Variants in ATP8B4 observed in about 807,000 individuals in gnomAD.
ATP8B4 encodes ATPase phospholipid transporting 8B4 (putative), also known as probable phospholipid-transporting ATPase IM.
ATP8B4 carries 133 observed loss-of-function variants against 145.6 expected under a neutral mutation model. The ratio of observed to expected loss-of-function variants is 0.91; its 90% CI spans 0.79 to 1.05. The LOEUF (loss-of-function observed/expected upper bound fraction) is 1.05. Among genes scored for constraint, ATP8B4 ranks in the 50% least tolerant of loss-of-function variants. The probability of loss-of-function intolerance (pLI) is 0.00; values close to 1 mark genes in which losing one functional copy is unlikely to be tolerated. For missense variants in ATP8B4, 1,458 were observed against 1,425.2 expected (o/e 1.02, Z -0.37); for synonymous variants, 507 against 492.9 (o/e 1.03, Z -0.38).
chr15:50,068,008 AC>A (rs2053495008), intron 3 of ATP8B4, among the ~76,000 whole-genome samples: 1 of 152,204 alleles, frequency 6.6e-6, no homozygotes, highest in South Asian at 2.1e-4. Context: ...ACACACAGGA[AC>A]ATGAAATTTT....
chr15:49,898,794 G>A (rs1003077724), intron 21 of ATP8B4, among the ~76,000 whole-genome samples: 3 of 152,190 alleles, frequency 2.0e-5, no homozygotes, highest in Non-Finnish European at 4.4e-5. Flanking sequence ...AACCCAGAGA[G>A]GCCTGTGCAA....
intron 1 of ATP8B4, among the ~76,000 whole-genome samples, chr15:50,150,686 TC>T (rs35340673): frequency 2.0e-5 from 3 of 152,304 alleles, no homozygotes; most frequent in South Asian, 4.1e-4. Flanking sequence ...TTTGCTATCA[TC>T]CCCAAGTTCT....
At chr15:50,134,432 G>T (rs2044094299) in intron 1 of ATP8B4, among the ~76,000 whole-genome samples, 1 of 152,132 alleles carries the variant, frequency 6.6e-6, no homozygotes, top group African/African-American at 2.4e-5. Flanking sequence ...GAAAATTGGT[G>T]TGATTCCTGT....
chr15:49,982,612 A>G (rs891801736), intron 10 of ATP8B4: 4 of 152,158 alleles, frequency 2.6e-5, no homozygotes, highest in African/African-American at 9.7e-5. Context: ...GTTGCTAAAA[A>G]CTGAAATATG....
chr15:50,152,841 T>C (rs1429584852), intron 1 of ATP8B4, among the ~76,000 whole-genome samples: 1 of 152,206 alleles, frequency 6.6e-6, no homozygotes, highest in East Asian at 1.9e-4. Flanking sequence ...GAAGACAACA[T>C]TGAAATTTAT....
intron 1 of ATP8B4, among the ~76,000 whole-genome samples, chr15:50,112,961 C>G (rs924005252): frequency 5.9e-5 from 9 of 152,162 alleles, no homozygotes; most frequent in Admixed American, 5.9e-4. Flanking sequence ...CCTGTGAGGG[C>G]TGCACCAGTG....
chr15:50,110,631 A>T (rs1278102687), intron 1 of ATP8B4, among the ~76,000 whole-genome samples: 1 of 152,248 alleles, frequency 6.6e-6, no homozygotes, highest in Non-Finnish European at 1.5e-5. Context: ...AATATTTACA[A>T]GAATAAGTTC....
At chr15:50,135,982 C>T (rs2044116114) in intron 1 of ATP8B4, among the ~76,000 whole-genome samples, 1 of 152,152 alleles carries the variant, frequency 6.6e-6, no homozygotes, top group African/African-American at 2.4e-5. Context: ...TTATTTAATC[C>T]AACCTTGAGC....
chr15:49,884,473 C>A (rs2035905932), intron 23 of ATP8B4, among the ~76,000 whole-genome samples: 1 of 151,740 alleles, frequency 6.6e-6, no homozygotes, highest in Non-Finnish European at 1.5e-5. Flanking sequence ...TGATGGTGTG[C>A]ATCTTGTGAT....
At chr15:50,118,919 C>T (rs544427976) in intron 1 of ATP8B4, among the ~76,000 whole-genome samples, 1 of 152,264 alleles carries the variant, frequency 6.6e-6, no homozygotes, top group East Asian at 1.9e-4. Context: ...GAAAATGTCA[C>T]ATCTCCCATT....
chr15:49,930,143 G>T (rs1323804032), intron 16 of ATP8B4, among the ~76,000 whole-genome samples: 1 of 152,034 alleles, frequency 6.6e-6, no homozygotes, highest in Admixed American at 6.6e-5. Flanking sequence ...CAAGCAAGGA[G>T]GGATAAGGAA....
At chr15:50,163,834 C>A (rs1440351219) in intron 1 of ATP8B4, among the ~76,000 whole-genome samples, 1 of 152,112 alleles carries the variant, frequency 6.6e-6, no homozygotes, top group Non-Finnish European at 1.5e-5. Context: ...GAGCTGGCAC[C>A]CAAGCTGCAA....
chr15:49,895,459 G>T (rs1247544352), intron 23 of ATP8B4: 2 of 152,152 alleles, frequency 1.3e-5, no homozygotes, highest in African/African-American at 4.8e-5. Context: ...ACTAACAATA[G>T]ATTCAAAATG....
chr15:50,086,103 AAAAT>A (rs1198924641), intron 2 of ATP8B4, among the ~76,000 whole-genome samples: 8 of 114,288 alleles, frequency 7.0e-5, no homozygotes, highest in Admixed American at 6.7e-4. Context: ...TATATATAAT[AAAAT>A]AAATATAGAT....
chr15:49,930,249 G>A (rs1235150676), intron 16 of ATP8B4, among the ~76,000 whole-genome samples: 1 of 152,056 alleles, frequency 6.6e-6, no homozygotes, highest in Non-Finnish European at 1.5e-5. Flanking sequence ...TAGGGATGAA[G>A]AGGGAGGATG....
At chr15:49,996,028 T>C (rs1335547460) in intron 9 of ATP8B4, among the ~76,000 whole-genome samples, 3 of 152,028 alleles carry the variant, frequency 2.0e-5, no homozygotes, top group African/African-American at 7.2e-5. Context: ...TAAGAATAAC[T>C]TTAACAGAAT....
intron 3 of ATP8B4, among the ~76,000 whole-genome samples, chr15:50,073,222 C>T (rs2053967678): frequency 6.6e-6 from 1 of 151,492 alleles, no homozygotes; most frequent in South Asian, 2.1e-4. Context: ...TCTCCTAATG[C>T]TATCCCTCCC....
At chr15:49,873,266 C>G (rs2153389270) in intron 25 of ATP8B4, among the ~76,000 whole-genome samples, 1 of 152,274 alleles carries the variant, frequency 6.6e-6, no homozygotes, top group South Asian at 2.1e-4. Flanking sequence ...GTCTTCTAGC[C>G]CAGAATTCCC....
chr15:49,903,239 C>T (rs555570651), intron 20 of ATP8B4, among the ~76,000 whole-genome samples: 39 of 152,224 alleles, frequency 2.6e-4, no homozygotes, highest in South Asian at 6.2e-4. Flanking sequence ...CTCACAAAAA[C>T]GATTTATTAG....
Sources: allele counts gnomAD v4.1 joint callset (sites outside exome capture counted in the v4.1 genomes callset), GRCh38; gene constraint gnomAD v4.1.1; transcripts MANE v1.5; gene names NCBI Gene and HGNC (gene_info 2026-07-23, HGNC 2026-07-21).